SPTBN5: variants seen among roughly 807,000 people sequenced by gnomAD.
SPTBN5 encodes spectrin beta, non-erythrocytic 5.
Under a neutral mutation model 477.6 loss-of-function variants are expected in SPTBN5, and 513 were observed. That is an observed-to-expected ratio of 1.07 (90% CI 1.00 to 1.16). SPTBN5 has a LOEUF of 1.16. Ranked by LOEUF, SPTBN5 falls within the 50% of genes most tolerant of loss-of-function variation. The pLI is 0.00. For missense variants in SPTBN5, 5,062 were observed against 4,731.8 expected (o/e 1.07, Z -2.05); for synonymous variants, 2,169 against 2,011.7 (o/e 1.08, Z -2.09).
In SPTBN5 at chr15:41,866,982, T is replaced by C; in HGVS notation, c.6457A>G (p.Ser2153Gly). The C allele has an allele frequency of 6.4e-7, 1 of 1,573,240 alleles. No homozygotes were observed. Among genetic ancestry groups the C allele is most frequent in the Non-Finnish European group, 8.6e-7 (1 of 1,159,714 alleles). ...HALHASLLMA[S>G]FTQAATQAED... Reference sequence around the variant, plus strand: ...ACCTGGGTTGCGGCCTGGGTGAAGCTGGCCATCAGCAGGGAGGCATGCAGG... The same window carrying C: ...ACCTGGGTTGCGGCCTGGGTGAAGCCGGCCATCAGCAGGGAGGCATGCAGG... Residue 2153 changes from serine to glycine, a missense_variant, in exon 36 of 68, where the codon AGC becomes GGC. Transcript: ENST00000320955.
Position 41,873,971 on chromosome 15 carries a change from G to A in SPTBN5, c.4764C>T (p.Ala1588=). 1 of 1,607,304 alleles carries A rather than the reference G, an allele frequency of 6.2e-7. No homozygotes were observed. The highest frequency in any genetic ancestry group is 8.5e-7 in the Non-Finnish European group (1 of 1,179,822). ...RVLSSGRSLA[A]SGHPQAQHIV... Reference sequence around the variant, plus strand: ...TGTGTTGGGCTTGGGGGTGCCCTGAGGCTGCCAGGCTCCGCCCAGAACTCA... The same window carrying A: ...TGTGTTGGGCTTGGGGGTGCCCTGAAGCTGCCAGGCTCCGCCCAGAACTCA... The change falls in exon 25 of 68, where the codon GCC becomes GCT. Residue 1588 remains alanine, a synonymous_variant. Transcript: ENST00000320955.
chr15:41,887,309 C>T lies in SPTBN5; in HGVS notation c.792G>A (p.Gln264=). ...LLDPEDVAAA[Q]PDERSIMTYV... ...AGGTCATGATAGAGCGCTCATCTGGCTGTGCGGCTGCCACGTCCTCGGGGT... is the reference window on the plus strand; with the variant it reads ...AGGTCATGATAGAGCGCTCATCTGGTTGTGCGGCTGCCACGTCCTCGGGGT... The change falls in exon 6 of 68, where the codon CAG becomes CAA. Residue 264 remains glutamine (Q), a synonymous_variant. Transcript: ENST00000320955. 2 of 1,551,290 alleles carry T rather than the reference C, an allele frequency of 1.3e-6. No homozygotes were observed. The highest frequency in any genetic ancestry group is 1.7e-6 in the Non-Finnish European group (2 of 1,147,030).
chr15:41,881,834 C>T (rs1218522169), intron 12 of SPTBN5, 102 bp downstream of exon 12: 5 of 1,184,102 alleles, frequency 4.2e-6, no homozygotes, highest in Non-Finnish European at 5.7e-6. Context: ...GCCACGAATC[C>T]TGGGCCAGAG....
chr15:41,859,046 C>G, intron 47 of SPTBN5, 66 bp from the exon 48 acceptor site: 1 of 1,311,326 alleles, frequency 7.6e-7, no homozygotes. Flanking sequence ...CCCGTCCAGC[C>G]TAGGCTTTCT....
chr15:41,871,932 C>A lies in SPTBN5; in HGVS notation c.5166-15G>T. ...GTTCCCGGTCCCTGTGGTAACAGTC[C>A]GTGGTTCCCCAGAAGTGAGTTGCCC... is the stretch of plus-strand genomic sequence containing the variant. On this transcript the variant is annotated splice_polypyrimidine_tract_variant and intron_variant, in intron 27 of 67. Transcript: ENST00000320955. 1 of 1,539,176 alleles carries A rather than the reference C, an allele frequency of 6.5e-7. No individual in the cohort carries two copies. The highest frequency in any genetic ancestry group is 2.4e-5 in the East Asian group (1 of 41,726).
chr15:41,872,329 C>T lies in SPTBN5; in HGVS notation c.5138G>A (p.Arg1713Gln), dbSNP rs375012267. ...VVQERLREQL[R>Q]ALQELAATRD... is the part of the protein sequence containing the mutation. ...TGTGGCCGCCAACTCCTGCAGTGCC[C>T]GCAGCTGCTCCCGGAGCCTCTCCTG... The change falls in exon 27 of 68, where the codon CGG (arginine) becomes CAG (glutamine). Residue 1713 changes from arginine (R) to glutamine (Q), a missense_variant. Transcript: ENST00000320955. 7.1e-5 allele frequency: 114 copies of T among 1,611,016 alleles called. No individual in the cohort carries two copies. Among genetic ancestry groups the T allele is most frequent in the South Asian group, 4.1e-4 (37 of 90,840 alleles).
rs1162468029 is a variant in SPTBN5, at chr15:41,852,747, C to G, written c.10348-12G>C. On this transcript the variant is annotated splice_polypyrimidine_tract_variant and intron_variant, in intron 60 of 67. Transcript: ENST00000320955. ...TCTGACACTGAGTGCTGGGGAGAAG[C>G]ATGTTCAGGTGACGCCCAGCTTGGG... 1.3e-6 allele frequency: 2 copies of G among 1,598,310 alleles called. No homozygotes were observed. Among genetic ancestry groups the G allele is most frequent in the East Asian group, 2.2e-5 (1 of 44,876 alleles).
At chr15:41,856,084 C>T (rs1364420254) in intron 53 of SPTBN5, among the ~76,000 whole-genome samples, 2 of 152,226 alleles carry the variant, frequency 1.3e-5, no homozygotes, top group Non-Finnish European at 2.9e-5. Context: ...AGTTTTTCTT[C>T]CTTTACAATT....
chr15:41,867,778 G>C (rs375390607), intron 34 of SPTBN5, 136 bp from the exon 35 acceptor site: 1 of 896,508 alleles, frequency 1.1e-6, no homozygotes, highest in East Asian at 2.4e-5. Flanking sequence ...GAGCTGTGAG[G>C]AGTGGGAGTC....
Position 41,862,639 on chromosome 15 carries a change from G to C in SPTBN5, c.7285C>G (p.Arg2429Gly). The C allele has an allele frequency of 6.4e-7, 1 of 1,555,166 alleles. No individual in the cohort carries two copies. The highest frequency in any genetic ancestry group is 1.4e-5 in the African/African-American group (1 of 73,752). ...GCCTCGGGGCTTCTTTGGCAGAGGCGGCCCACTTCACGCTCTAGGGACTGC... is the reference window on the plus strand; with the variant it reads ...GCCTCGGGGCTTCTTTGGCAGAGGCCGCCCACTTCACGCTCTAGGGACTGC... ...QVESLEREVG[R>G]LCQRSPEAAH... Residue 2429 changes from arginine to glycine, a missense_variant, in exon 43 of 68, where the codon CGC becomes GGC. Physicochemically the swap from Arg to Gly is moderately radical, Grantham distance 125. Coordinates refer to ENST00000320955, the MANE Select transcript of SPTBN5 (RefSeq NM_016642.4).
intron 4 of SPTBN5, 94 bp downstream of exon 4, chr15:41,889,995 A>C: frequency 3.8e-6 from 3 of 786,400 alleles, no homozygotes; most frequent in Non-Finnish European, 6.5e-6. Context: ...GGGATCATAA[A>C]AGTTGTGTGG....
chr15:41,863,823 C>T lies in SPTBN5; in HGVS notation c.7035-5G>A, dbSNP rs2066204440. The T allele has an allele frequency of 6.2e-7, 1 of 1,613,812 alleles. No homozygotes were observed. The highest frequency in any genetic ancestry group is 1.7e-5 in the Admixed American group (1 of 60,020). ...TTGCCATGGAAACTCGCCCACCTGG[C>T]CAAGGGGTGGTGGTGTCATGTGGAG... On this transcript the variant is annotated splice_region_variant and splice_polypyrimidine_tract_variant and intron_variant, in intron 40 of 67. Transcript: ENST00000320955.
At position 41,868,143 on chromosome 15, in the gene SPTBN5, G is replaced by C. The variant is rs865797436; in HGVS notation, c.6133C>G (p.Leu2045Val). Reference protein sequence around the residue: ...YQTWARKQERLQAEQQEQLFL... With the variant: ...YQTWARKQERVQAEQQEQLFL... ...AGCTGCTCCTGCTGCTCGGCCTGCA[G>C]CCTCTCTTGCTTCCGTGCCCAGGTC... The change falls in exon 34 of 68, where the codon CTG becomes GTG. Residue 2045 changes from leucine (L) to valine (V), a missense_variant. Leu to Val is a conservative substitution (Grantham distance 32). Coordinates refer to ENST00000320955, the MANE Select transcript of SPTBN5 (RefSeq NM_016642.4). 20 of 1,595,194 alleles carry C rather than the reference G, an allele frequency of 1.3e-5. No homozygotes were observed. The highest frequency in any genetic ancestry group is 1.7e-5 in the Non-Finnish European group (20 of 1,171,842).
rs1340104695 is a variant in SPTBN5, at chr15:41,887,389, G to T, written c.712C>A (p.Leu238Ile). The change falls in exon 6 of 68, where the codon CTT (leucine) becomes ATT (isoleucine). Residue 238 changes from leucine (L) to isoleucine (I), a missense_variant. By Grantham distance (5) the Leu-to-Ile change is conservative. Coordinates refer to ENST00000320955, the MANE Select transcript of SPTBN5 (RefSeq NM_016642.4). ...SLRPDRPLHN[L>I]AFAFLVAEQE... is the part of the protein sequence containing the mutation. The stretch of plus-strand genomic sequence containing the variant: ...TCAGCCACCAGGAAAGCAAAAGCAA[G>T]GTTGTGCAGTGGGCGGTCTGGACGC... 1 of 1,554,500 alleles carries T rather than the reference G, an allele frequency of 6.4e-7. No individual in the cohort carries two copies. The highest frequency in any genetic ancestry group is 1.9e-5 in the Admixed American group (1 of 51,344).
chr15:41,887,189 C>CCCCA (rs778675874), intron 6 of SPTBN5, 24 bp downstream of exon 6: 1 of 1,547,168 alleles, frequency 6.5e-7, no homozygotes, highest in South Asian at 1.2e-5. Context: ...CCCTTGCTCA[C>CCCCA]CCCACCCCTC....
rs1233262410 is a variant in SPTBN5, at chr15:41,879,298, C to T, written c.3144G>A (p.Leu1048=). The T allele has an allele frequency of 1.9e-6, 3 of 1,611,942 alleles. No homozygotes were observed. The South Asian group carries it at 3.3e-5, about 18-fold the overall frequency. The change falls in exon 16 of 68, where the codon CTG becomes CTA. Residue 1048 remains leucine, a synonymous_variant. Transcript: ENST00000320955. ...TTTGGAGGAAGTGGACCCTCCTCTCCAGCACCAGGGTCTTCTTCTGGGCCA... is the reference window on the plus strand; with the variant it reads ...TTTGGAGGAAGTGGACCCTCCTCTCTAGCACCAGGGTCTTCTTCTGGGCCA... ...LQLAQKKTLV[L]ERRVHFLQSV...
intron 26 of SPTBN5, 140 bp from the exon 27 acceptor site, chr15:41,872,599 T>C: frequency 1.2e-6 from 1 of 866,636 alleles, no homozygotes; most frequent in East Asian, 2.7e-5. Context: ...AACTCATTCA[T>C]CCACCCACCC....
At position 41,864,042 on chromosome 15, in the gene SPTBN5, G is replaced by A; in HGVS notation, c.6919-18C>T. ...ACTGTGTCCTGCAGGGGAGGTATGG[G>A]TGAGGGCATTGGCACCCCCCATGCA... On this transcript the variant is annotated intron_variant, in intron 39 of 67. Transcript: ENST00000320955. 6.2e-7 allele frequency: 1 copy of A among 1,600,054 alleles called. No individual in the cohort carries two copies. Among genetic ancestry groups the A allele is most frequent in the Non-Finnish European group, 8.5e-7 (1 of 1,171,126 alleles).
Position 41,878,400 on chromosome 15 carries a change from G to A in SPTBN5, c.3412C>T (p.Gln1138Ter), listed in dbSNP as rs747027429. 2 of 1,613,780 alleles carry A rather than the reference G, an allele frequency of 1.2e-6. No individual in the cohort carries two copies. Among genetic ancestry groups the A allele is most frequent in the South Asian group, 2.2e-5 (2 of 91,082 alleles). Reference protein sequence around the residue: ...KEVSVDVASAQRLLREHQDLL... With the variant: ...KEVSVDVASA ...TCTTGGTGCTCCCTCAGCAGCCGCTGAGCCGAGGCCACATCCACTGACACC... is the reference window on the plus strand; with the variant it reads ...TCTTGGTGCTCCCTCAGCAGCCGCTAAGCCGAGGCCACATCCACTGACACC... The change falls in exon 17 of 68, where the codon CAG (glutamine) becomes TAG (stop). Residue 1138 changes from glutamine (Q) to a stop codon, truncating the protein, a stop_gained. Transcript: ENST00000320955. LOFTEE classifies it high-confidence loss of function.
Sources: allele counts gnomAD v4.1 joint callset (sites outside exome capture counted in the v4.1 genomes callset), GRCh38; gene constraint gnomAD v4.1.1; transcripts MANE v1.5; gene names NCBI Gene and HGNC (gene_info 2026-07-23, HGNC 2026-07-21).